TMEM135: variants seen among roughly 807,000 people sequenced by gnomAD.
TMEM135 encodes the protein peroxisomal membrane protein 52.
In TMEM135, 30 loss-of-function variants were observed where a neutral mutation model predicts 60.3. The ratio of observed to expected loss-of-function variants is 0.50; its 90% CI spans 0.37 to 0.68. The LOEUF (loss-of-function observed/expected upper bound fraction) is 0.68. Ranked by LOEUF, TMEM135 falls within the 30% of genes least tolerant of loss-of-function variation. TMEM135 has a pLI of 0.00. For missense variants in TMEM135, 468 were observed against 548.8 expected (o/e 0.85, Z 1.47); for synonymous variants, 190 against 186.7 (o/e 1.02, Z -0.14).
chr11:87,211,957 AGAAAAAAGAAAAGGCTCATTG>A (rs1940380984), intron 5 of TMEM135, among the ~76,000 whole-genome samples: 1 of 152,078 alleles, frequency 6.6e-6, no homozygotes, highest in Admixed American at 6.6e-5. Context: ...AAAAAAAATA[AGAAAAAAGAAAAGGCTCATTG>A]GCCTTGTAGC....
chr11:87,057,795 C>G (rs1198494430), intron 1 of TMEM135, among the ~76,000 whole-genome samples: 4 of 75,680 alleles, frequency 5.3e-5, no homozygotes, highest in Admixed American at 1.7e-4. Flanking sequence ...ACAGAAGCCT[C>G]TGTGTGTGTG....
chr11:87,038,609 CTTTTTTTT>C (rs3045930), intron 1 of TMEM135, among the ~76,000 whole-genome samples: 6 of 113,930 alleles, frequency 5.3e-5, no homozygotes, highest in Non-Finnish European at 7.0e-5. Context: ...TTTTATTTTG[CTTTTTTTT>C]TTTTTTTTTT....
chr11:87,308,384 A>G (rs973529643), intron 9 of TMEM135, among the ~76,000 whole-genome samples: 3 of 152,194 alleles, frequency 2.0e-5, no homozygotes, highest in South Asian at 2.1e-4. Context: ...ATACTAGGCA[A>G]TTTCAGTTAA....
At chr11:87,242,984 A>G (rs1169446866) in intron 6 of TMEM135, among the ~76,000 whole-genome samples, 1 of 139,542 alleles carries the variant, frequency 7.2e-6, no homozygotes, top group African/African-American at 2.7e-5. Flanking sequence ...TCATGGTTTT[A>G]GGTCTAACGT....
At chr11:87,283,978 C>T (rs908705993) in intron 6 of TMEM135, among the ~76,000 whole-genome samples, 1 of 152,070 alleles carries the variant, frequency 6.6e-6, no homozygotes, top group Non-Finnish European at 1.5e-5. Context: ...ATTTGTTTGT[C>T]TTGAGGTCTT....
rs1361156664 is a variant in TMEM135, at chr11:87,322,833, T to C, written c.*1500T>C. On this transcript the variant is annotated 3_prime_UTR_variant, in exon 15 of 15. Coordinates refer to ENST00000305494, the MANE Select transcript of TMEM135 (RefSeq NM_022918.4). The stretch of plus-strand genomic sequence containing the variant: ...ATGGTAACAGAGCCACTTTATCATT[T>C]GGTCAAAATTTGGCATTATGATTAG... 2 of 454,444 alleles carry C rather than the reference T, an allele frequency of 4.4e-6. No homozygotes were observed. Among genetic ancestry groups the C allele is most frequent in the Admixed American group, 2.3e-5 (1 of 42,558 alleles). 28.2% of individuals were successfully genotyped at this position (454,444 alleles called of 1,614,324 possible). A position where few individuals can be genotyped will look rare whatever the true frequency, so the allele number is the denominator to read the frequency against.
At chr11:87,174,749 T>C (rs956339455) in intron 5 of TMEM135, among the ~76,000 whole-genome samples, 1 of 152,152 alleles carries the variant, frequency 6.6e-6, no homozygotes, top group African/African-American at 2.4e-5. Context: ...GGTCCTCCAA[T>C]CATATCCCTT....
At chr11:87,174,294 T>C (rs1591077912) in intron 5 of TMEM135, among the ~76,000 whole-genome samples, 2 of 152,166 alleles carry the variant, frequency 1.3e-5, no homozygotes, top group South Asian at 4.1e-4. Context: ...CACATGTCTA[T>C]TGCCATTGAA....
At chr11:87,075,172 T>A (rs146476781) in intron 3 of TMEM135, among the ~76,000 whole-genome samples, 9 of 152,212 alleles carry the variant, frequency 5.9e-5, no homozygotes, top group Non-Finnish European at 7.4e-5. Flanking sequence ...TAGTTTATTT[T>A]TTTTGAGACG....
At chr11:87,293,378 GT>G (rs889182936) in intron 6 of TMEM135, among the ~76,000 whole-genome samples, 104 of 136,076 alleles carry the variant, frequency 7.6e-4, no homozygotes, top group African/African-American at 2.5e-3. Context: ...GTTTTTAAGT[GT>G]TTTTTTTTCT....
At chr11:87,176,264 C>T (rs1488961057) in intron 5 of TMEM135, among the ~76,000 whole-genome samples, 5 of 152,180 alleles carry the variant, frequency 3.3e-5, no homozygotes, top group Admixed American at 3.3e-4. Flanking sequence ...AGCCTGGCAC[C>T]TCCCTGCCCC....
intron 3 of TMEM135, among the ~76,000 whole-genome samples, chr11:87,080,006 TAA>T (rs1226324921): frequency 6.6e-6 from 1 of 151,354 alleles, no homozygotes; most frequent in East Asian, 2.0e-4. Context: ...CTCGCCTGGC[TAA>T]TTTTTGTATT....
intron 4 of TMEM135, among the ~76,000 whole-genome samples, chr11:87,120,250 CCA>C: frequency 6.6e-6 from 1 of 151,106 alleles, no homozygotes; most frequent in Non-Finnish European, 1.5e-5. Flanking sequence ...CAGGCATGCA[CCA>C]CTATGACCAG....
chr11:87,057,287 A>G (rs568670389), intron 1 of TMEM135, among the ~76,000 whole-genome samples: 2 of 152,336 alleles, frequency 1.3e-5, no homozygotes, highest in South Asian at 2.1e-4. Context: ...CTTAATGGTC[A>G]TCGCTAAAGT....
chr11:87,163,496 A>G (rs956253025), intron 5 of TMEM135, among the ~76,000 whole-genome samples: 74 of 151,820 alleles, frequency 4.9e-4, no homozygotes, highest in African/African-American at 1.8e-3. Flanking sequence ...TGCAATAAAC[A>G]TAAGTGTGCA....
chr11:87,038,893 G>A (rs1466196963), intron 1 of TMEM135, among the ~76,000 whole-genome samples: 1 of 152,012 alleles, frequency 6.6e-6, no homozygotes, highest in Non-Finnish European at 1.5e-5. Context: ...GGAATATTTG[G>A]CAGTATGTAT....
intron 6 of TMEM135, among the ~76,000 whole-genome samples, chr11:87,271,034 A>AT (rs1941852858): frequency 6.6e-6 from 1 of 152,084 alleles, no homozygotes; most frequent in Non-Finnish European, 1.5e-5. Context: ...ATCATAATTC[A>AT]TTTTGTCTTC....
intron 6 of TMEM135, among the ~76,000 whole-genome samples, chr11:87,245,883 A>G (rs1369117471): frequency 1.2e-5 from 1 of 80,326 alleles, no homozygotes; most frequent in Non-Finnish European, 3.0e-5. Context: ...TGTGAATTTG[A>G]TCCTGTCATT....
At chr11:87,046,335 G>C (rs919772770) in intron 1 of TMEM135, among the ~76,000 whole-genome samples, 1 of 152,150 alleles carries the variant, frequency 6.6e-6, no homozygotes, top group African/African-American at 2.4e-5. Context: ...AGCGAGTGGA[G>C]ATCTCAGCTC....
Sources: allele counts gnomAD v4.1 joint callset (sites outside exome capture counted in the v4.1 genomes callset), GRCh38; gene constraint gnomAD v4.1.1; transcripts MANE v1.5; gene names NCBI Gene and HGNC (gene_info 2026-07-23, HGNC 2026-07-21).